DIDO1: variants seen among roughly 807,000 people sequenced by gnomAD.
The protein encoded by DIDO1 is death inducer-obliterator 1.
Under a neutral mutation model 99.4 loss-of-function variants are expected in DIDO1, and 16 were observed. The observed-to-expected ratio is 0.16, with a 90% CI of 0.11 to 0.24. DIDO1 has a LOEUF of 0.24. Among genes scored for constraint, DIDO1 ranks in the 10% least tolerant of loss-of-function variants. DIDO1 has a pLI of 1.00. For synonymous variants in DIDO1, 1,366 were observed against 1,239.1 expected, an observed-to-expected ratio of 1.10 and a Z score of -2.15; for missense variants, 2,996 against 3,014.0, an observed-to-expected ratio of 0.99 and a Z score of 0.14.
At chr20:62,916,318 ATTT>A (rs145967097) in intron 1 of DIDO1, among the ~76,000 whole-genome samples, 43 of 152,016 alleles carry the variant, frequency 2.8e-4, no homozygotes, top group African/African-American at 1.0e-3. Flanking sequence ...TTCTAAGCAC[ATTT>A]TTTTCCCCAG....
In DIDO1 at chr20:62,881,870, C is replaced by T. The variant is rs148894471; in HGVS notation, c.4086G>A (p.Pro1362=). 5.7e-4 allele frequency: 921 copies of T among 1,613,566 alleles called. 6 individuals carry two copies. The African/African-American group carries it at 0.011, about 19-fold the overall frequency. Residue 1362 remains proline (P), a synonymous_variant, in exon 16 of 16, where the codon CCG becomes CCA. Transcript: ENST00000395343. This position sits in a 1 kb window ranked among gnomAD's most constrained non-coding sequence, Gnocchi z 8.3. The stretch of plus-strand genomic sequence containing the variant: ...AGAACTGACCGAACTGCTGGACGAT[C>T]GGATCTAACAACGGAGGTGCCGGCA... ...DGVPAPPLLD[P]IVQQFGQFSK... is the part of the protein sequence containing the mutation.
intron 15 of DIDO1, chr20:62,889,925 C>T: frequency 1.0e-6 from 1 of 985,454 alleles, no homozygotes; most frequent in East Asian, 1.1e-4. Context: ...TGAGCCCACT[C>T]CAGCTGTGAA....
chr20:62,934,628 G>C (rs1450094106), intron 1 of DIDO1, among the ~76,000 whole-genome samples: 1 of 152,088 alleles, frequency 6.6e-6, no homozygotes, highest in African/African-American at 2.4e-5. Context: ...GGCCCTAATG[G>C]CTTCTGAACA....
chr20:62,936,237 A>AC (rs1334324251), intron 1 of DIDO1, among the ~76,000 whole-genome samples: 2 of 152,006 alleles, frequency 1.3e-5, no homozygotes, highest in African/African-American at 4.8e-5. Context: ...AGAAGGCAAG[A>AC]CCCCGTCTCT....
intron 15 of DIDO1, chr20:62,890,186 C>T: frequency 1.0e-6 from 1 of 985,970 alleles, no homozygotes; most frequent in Non-Finnish European, 1.2e-6. Context: ...GTGATCCACA[C>T]ACCCGCTTTG....
At chr20:62,882,794 G>A (rs1487540404) in intron 15 of DIDO1, among the ~76,000 whole-genome samples, 1 of 152,206 alleles carries the variant, frequency 6.6e-6, no homozygotes, top group Non-Finnish European at 1.5e-5. Flanking sequence ...AGTGTGGAGG[G>A]GAGGGAGGCC....
chr20:62,910,297 C>G (rs909427385), intron 3 of DIDO1, among the ~76,000 whole-genome samples: 4 of 152,196 alleles, frequency 2.6e-5, no homozygotes, highest in Non-Finnish European at 4.4e-5. Flanking sequence ...TGCCTTTATC[C>G]CAGCGCCAAG....
intron 12 of DIDO1, 118 bp from the exon 13 acceptor site, chr20:62,893,080 G>T: frequency 8.9e-7 from 1 of 1,128,836 alleles, no homozygotes; most frequent in Non-Finnish European, 1.2e-6. Flanking sequence ...AGGCTGGAGT[G>T]CGGTGGTGCA....
chr20:62,926,586 G>A (rs2065261255), upstream of DIDO1: 1 of 152,102 alleles, frequency 6.6e-6, no homozygotes, highest in Admixed American at 6.5e-5. Context: ...CTAGAGCGGA[G>A]CCCGGGCTGC....
At chr20:62,913,043 A>T (rs1450857137) in intron 2 of DIDO1, among the ~76,000 whole-genome samples, 1 of 152,230 alleles carries the variant, frequency 6.6e-6, no homozygotes, top group Non-Finnish European at 1.5e-5. Context: ...AAAGAAAAAG[A>T]ACGAAAATAC....
At chr20:62,907,533 GT>G (rs1456794495) in intron 4 of DIDO1, among the ~76,000 whole-genome samples, 174 bp from the exon 5 acceptor site, 2 of 152,366 alleles carry the variant, frequency 1.3e-5, no homozygotes, top group East Asian at 3.9e-4. Flanking sequence ...AAAAAGCCAG[GT>G]AAGGCATTCA....
chr20:62,892,685 G>GA (rs1215108475), intron 13 of DIDO1, 124 bp downstream of exon 13: 1 of 1,295,490 alleles, frequency 7.7e-7, no homozygotes, highest in Non-Finnish European at 1.0e-6. Context: ...ACGGTTGCAA[G>GA]AGTGTCAGGC....
At chr20:62,922,175 T>C (rs973871935) in intron 1 of DIDO1, among the ~76,000 whole-genome samples, 3 of 150,514 alleles carry the variant, frequency 2.0e-5, no homozygotes, top group Non-Finnish European at 3.0e-5. Context: ...CCGGCTCTTT[T>C]ATATGTATGT....
rs983569622 is a variant in DIDO1 at position 62,877,996 on chromosome 20, T to C, written c.*1237A>G. 5.3e-5 allele frequency: 8 copies of C among 152,228 alleles called. No homozygotes were observed. Among genetic ancestry groups the C allele is most frequent in the Non-Finnish European group, 2.9e-5 (2 of 68,038 alleles). 9.4% of individuals were successfully genotyped at this position (152,228 alleles called of 1,614,324 possible). A position where few individuals can be genotyped will look rare whatever the true frequency, so the allele number is the denominator to read the frequency against. ...ACCTACTTTAATGTAATTTAACCTATGGACACTTGGCTTTCAACACCAAAC... is the reference window on the plus strand; with the variant it reads ...ACCTACTTTAATGTAATTTAACCTACGGACACTTGGCTTTCAACACCAAAC... On this transcript the variant is annotated 3_prime_UTR_variant, in exon 16 of 16. Coordinates refer to ENST00000395343, the MANE Select transcript of DIDO1 (RefSeq NM_001193369.2).
Position 62,880,237 on chromosome 20 carries a change from G to C in DIDO1, c.5719C>G (p.Pro1907Ala). Residue 1907 changes from proline to alanine, a missense_variant, in exon 16 of 16, where the codon CCC (proline) becomes GCC (alanine). This residue lies in a region of DIDO1 where 1,562 missense variants were observed against 1,412.6 expected (regional missense o/e 1.11). Transcript: ENST00000395343. ...TGACCTCCAAACTGAGAGGGAGGGG[G>C]GCCGCCTCGGGGGCCTTTCAGCTGA... ...LSQLKGPRGG[P>A]PPSQFGGQRG... 1 of 1,612,448 alleles carries C rather than the reference G, an allele frequency of 6.2e-7. No individual in the cohort carries two copies. Among genetic ancestry groups the C allele is most frequent in the Non-Finnish European group, 8.5e-7 (1 of 1,179,892 alleles).
chr20:62,925,916 G>A (rs905283715), intron 1 of DIDO1, among the ~76,000 whole-genome samples: 8 of 152,306 alleles, frequency 5.3e-5, no homozygotes, highest in African/African-American at 1.7e-4. Flanking sequence ...AGCGCCAGCC[G>A]CCCCTGCAGT....
At chr20:62,904,780 CAAAAAAAAAAAAAAAAAAAA>C (rs58039393) in intron 6 of DIDO1, among the ~76,000 whole-genome samples, 3 of 62,624 alleles carry the variant, frequency 4.8e-5, no homozygotes, top group Admixed American at 3.3e-4. Flanking sequence ...ACTCTTGTCT[CAAAAAAAAAAAAAAAAAAAA>C]AAAAAAAGTG....
rs181764307 is a variant in DIDO1, at chr20:62,894,824, C to T, written c.2422G>A (p.Val808Met). ...CAAATGCTTACCTCTGAATCCGACA[C>T]TGGCGGAGAGTCCTCCAGATCGGGG... ...AIPDLEDSPPVSDSEEQQESA... is the reference protein window; with the variant it reads ...AIPDLEDSPPMSDSEEQQESA... The change falls in exon 10 of 16, where the codon GTG becomes ATG. Residue 808 changes from valine (V) to methionine (M), a missense_variant. By Grantham distance (21) the Val-to-Met change is conservative. Transcript: ENST00000395343. The surrounding 1 kb of genome is among the most constrained non-coding windows in gnomAD (Gnocchi z 4.4). 14 of 1,613,438 alleles carry T rather than the reference C, an allele frequency of 8.7e-6. No individual in the cohort carries two copies. The East Asian group carries it at 2.7e-4, about 31-fold the overall frequency.
At chr20:62,888,088 C>A (rs537206692) in intron 15 of DIDO1, 2 of 985,550 alleles carry the variant, frequency 2.0e-6, no homozygotes, top group Non-Finnish European at 2.4e-6. Context: ...GCTGACAGGG[C>A]GGGTGACTTA....
Sources: allele counts gnomAD v4.1 joint callset (sites outside exome capture counted in the v4.1 genomes callset), GRCh38; gene constraint gnomAD v4.1.1; regional missense constraint gnomAD v4.1.1; non-coding constraint Gnocchi (gnomAD v3.1); transcripts MANE v1.5; gene names NCBI Gene and HGNC (gene_info 2026-07-23, HGNC 2026-07-21).